The following ATP6V0A1 variants were observed in gnomAD, a reference collection of about 807,000 sequenced individuals.
The protein encoded by ATP6V0A1 is V-type proton ATPase 116 kDa subunit a 1.
A neutral mutation model predicts 105.4 loss-of-function variants in ATP6V0A1; 43 were observed. That is an observed-to-expected ratio of 0.41 (90% CI 0.32 to 0.53). The LOEUF (loss-of-function observed/expected upper bound fraction) is 0.53, where lower values mean the gene tolerates loss of function less well. Ranked by LOEUF, ATP6V0A1 falls within the 20% of genes least tolerant of loss-of-function variation. The pLI is 0.30. For missense variants in ATP6V0A1, 676 were observed against 1,051.1 expected (o/e 0.64, Z 4.93); for synonymous variants, 362 against 372.8 (o/e 0.97, Z 0.33).
intron 18 of ATP6V0A1, among the ~76,000 whole-genome samples, chr17:42,507,856 C>A (rs1210505017): frequency 6.6e-6 from 1 of 152,188 alleles, no homozygotes; most frequent in Admixed American, 6.5e-5. Context: ...ATCTTGAATT[C>A]CAGATTTTGC....
chr17:42,469,986 T>G (rs2087669614), intron 4 of ATP6V0A1, 104 bp from the exon 5 acceptor site: 2 of 1,185,930 alleles, frequency 1.7e-6, no homozygotes, highest in Non-Finnish European at 1.2e-6. Flanking sequence ...CCAAGTTCTC[T>G]TTGAACTATC....
intron 17 of ATP6V0A1, among the ~76,000 whole-genome samples, chr17:42,505,036 CTTTTT>C (rs1195871876): frequency 7.1e-6 from 1 of 140,830 alleles, no homozygotes; most frequent in Admixed American, 7.1e-5. Flanking sequence ...GTGATAATCA[CTTTTT>C]TTTTTTTTTT....
chr17:42,520,931 G>A, intron 21 of ATP6V0A1, 96 bp from the exon 22 acceptor site: 1 of 1,084,754 alleles, frequency 9.2e-7, no homozygotes, highest in Non-Finnish European at 1.3e-6. Flanking sequence ...CTCGGGGTGA[G>A]GTGGGCACGG....
In ATP6V0A1 at chr17:42,491,200, A is replaced by G. The variant is rs116667150; in HGVS notation, c.1174+563A>G. ...GCTGGGATTACAGGTGTGACCCACTATGCCTGGCCTTTTTGTTCATTGTTT... is the reference window on the plus strand; with the variant it reads ...GCTGGGATTACAGGTGTGACCCACTGTGCCTGGCCTTTTTGTTCATTGTTT... On this transcript the variant is annotated intron_variant, in intron 11 of 21. Transcript: ENST00000343619. Among the ~76,000 whole-genome samples the G allele has an allele frequency of 5.6e-3, 854 of 152,044 alleles. 9 individuals are homozygous for G. The highest frequency in any genetic ancestry group is 0.02 in the African/African-American group (819 of 41,472).
chr17:42,498,853 T>G, intron 14 of ATP6V0A1, 71 bp from the exon 15 acceptor site: 1 of 1,103,036 alleles, frequency 9.1e-7, no homozygotes, highest in Non-Finnish European at 1.3e-6. Flanking sequence ...AAAATTGTTT[T>G]TTAAACAGAG....
At chr17:42,483,733 C>T (rs2089801276) in intron 9 of ATP6V0A1, among the ~76,000 whole-genome samples, 1 of 152,182 alleles carries the variant, frequency 6.6e-6, no homozygotes, top group South Asian at 2.1e-4. Context: ...AAGCATGTGC[C>T]ACTAAACCTG....
intron 2 of ATP6V0A1, among the ~76,000 whole-genome samples, chr17:42,464,531 T>C (rs2086807461): frequency 6.6e-6 from 1 of 152,052 alleles, no homozygotes; most frequent in Non-Finnish European, 1.5e-5. Context: ...GCCTTCCAAG[T>C]AGCTGGGATT....
intron 19 of ATP6V0A1, chr17:42,510,655 C>T (rs1364307134): frequency 6.6e-6 from 1 of 152,214 alleles, no homozygotes; most frequent in East Asian, 1.9e-4. Flanking sequence ...TGGCAGAAAC[C>T]AGCCATAGTA....
Position 42,495,622 on chromosome 17 carries a change from G to A in ATP6V0A1, c.1470-4G>A, listed in dbSNP as rs768130208. On this transcript the variant is annotated splice_polypyrimidine_tract_variant and splice_region_variant and intron_variant, in intron 13 of 21. Transcript: ENST00000343619. ...ATAATGTGACTTTTTCCCTGTCATG[G>A]TAGTGAAGAGACGCTTCGGGGGAAC... The A allele has an allele frequency of 6.2e-7, 1 of 1,607,942 alleles. No homozygotes were observed. Among genetic ancestry groups the A allele is most frequent in the Non-Finnish European group, 8.5e-7 (1 of 1,174,560 alleles).
chr17:42,484,492 C>T (rs542735012), intron 9 of ATP6V0A1, among the ~76,000 whole-genome samples: 1 of 152,314 alleles, frequency 6.6e-6, no homozygotes, highest in Non-Finnish European at 1.5e-5. Flanking sequence ...CCCAATAGCT[C>T]GGCATGCATC....
chr17:42,477,645 T>C lies in ATP6V0A1; in HGVS notation c.424-15T>C. 6.2e-7 allele frequency: 1 copy of C among 1,613,218 alleles called. No individual in the cohort carries two copies. The highest frequency in any genetic ancestry group is 8.5e-7 in the Non-Finnish European group (1 of 1,179,472). On this transcript the variant is annotated splice_polypyrimidine_tract_variant and intron_variant, in intron 5 of 21. Transcript: ENST00000343619. ...AATTGATTTGTGAATTCAGGCTGAA[T>C]TGCATCATCAGCAGATGGCGGATCC...
intron 10 of ATP6V0A1, 108 bp from the exon 11 acceptor site, chr17:42,490,379 A>T: frequency 2.1e-6 from 2 of 955,984 alleles, no homozygotes; most frequent in Non-Finnish European, 2.9e-6. Context: ...GAAAATACAT[A>T]CATTTTATGT....
At chr17:42,479,613 C>T (rs2089234263) in intron 7 of ATP6V0A1, among the ~76,000 whole-genome samples, 2 of 152,146 alleles carry the variant, frequency 1.3e-5, no homozygotes, top group Non-Finnish European at 2.9e-5. Context: ...GTGTTCTTTA[C>T]CTAAAAAGAG....
At position 42,501,299 on chromosome 17, in the gene ATP6V0A1, C is replaced by T; in HGVS notation, c.1999C>T (p.His667Tyr). 2 of 1,612,396 alleles carry T rather than the reference C, an allele frequency of 1.2e-6. No homozygotes were observed. The highest frequency in any genetic ancestry group is 1.7e-6 in the Non-Finnish European group (2 of 1,178,670). The change falls in exon 17 of 22, where the codon CAT becomes TAT. Residue 667 changes from histidine (H) to tyrosine (Y), a missense_variant. Transcript: ENST00000343619. ...TCGCCGTCAGTATTTGAGGAGAAAGCATTTGGTAGGTGTATTTCTATTGCT... is the reference window on the plus strand; with the variant it reads ...TCGCCGTCAGTATTTGAGGAGAAAGTATTTGGTAGGTGTATTTCTATTGCT... ...VLRRQYLRRK[H>Y]LGTLNFGGIR...
At position 42,464,400 on chromosome 17, in the gene ATP6V0A1, AT is replaced by A. The variant is rs757566611; in HGVS notation, c.118-2018del. Among the ~76,000 whole-genome samples, 983 of 145,434 alleles carry A rather than the reference AT, an allele frequency of 6.8e-3. 7 individuals are homozygous for A. Among genetic ancestry groups the A allele is most frequent in the South Asian group, 0.016 (74 of 4,574 alleles). On this transcript the variant is annotated intron_variant, in intron 2 of 21. Transcript: ENST00000343619. ...CATGGATATGTATGTGTGTGTTTGT[AT>A]TTTTTTTTTTCTTTTTTTTGAGACT... is the stretch of plus-strand genomic sequence containing the variant.
intron 2 of ATP6V0A1, 39 bp from the exon 3 acceptor site, chr17:42,466,390 C>T (rs1178878242): frequency 6.6e-7 from 1 of 1,511,870 alleles, no homozygotes; most frequent in South Asian, 1.1e-5. Context: ...GAAATAGATA[C>T]AATATTTCAA....
intron 2 of ATP6V0A1, among the ~76,000 whole-genome samples, chr17:42,462,629 A>G (rs1372355177): frequency 1.3e-5 from 2 of 152,102 alleles, no homozygotes; most frequent in Admixed American, 6.6e-5. Flanking sequence ...CACATTGGCC[A>G]GGCTGGTCTC....
At chr17:42,474,859 T>A (rs923437181) in intron 5 of ATP6V0A1, among the ~76,000 whole-genome samples, 26 of 152,308 alleles carry the variant, frequency 1.7e-4, no homozygotes, top group African/African-American at 6.3e-4. Context: ...AGGTGAAAAA[T>A]AAACATATTG....
At chr17:42,509,738 A>T (rs1392310123) in intron 19 of ATP6V0A1, 2 of 152,206 alleles carry the variant, frequency 1.3e-5, no homozygotes, top group African/African-American at 2.4e-5. Context: ...GAATGGTCTG[A>T]CCAACTATTG....
Sources: allele counts gnomAD v4.1 joint callset (sites outside exome capture counted in the v4.1 genomes callset), GRCh38; gene constraint gnomAD v4.1.1; transcripts MANE v1.5; gene names NCBI Gene and HGNC (gene_info 2026-07-23, HGNC 2026-07-21).